The following SLC35E4 variants were observed in gnomAD, a reference collection of about 807,000 sequenced individuals.
SLC35E4 encodes the protein solute carrier family 35 member E4.
A neutral mutation model predicts 19.3 loss-of-function variants in SLC35E4; 15 were observed. The ratio of observed to expected loss-of-function variants is 0.78; its 90% CI spans 0.52 to 1.20. The LOEUF (loss-of-function observed/expected upper bound fraction) is 1.20. Ranked by LOEUF, SLC35E4 falls within the 50% of genes most tolerant of loss-of-function variation. The pLI is 0.00. For missense variants in SLC35E4, 406 were observed against 472.3 expected (o/e 0.86, Z 1.30); for synonymous variants, 219 against 219.9 (o/e 1.00, Z 0.04).
rs1337663268 is a variant in SLC35E4, at chr22:30,647,788, A to T, written c.*757A>T. On this transcript the variant is annotated 3_prime_UTR_variant, in exon 2 of 2. Transcript: ENST00000343605. ...GGCTTCTATGCTGCTGGGCTCCCCT[A>T]GGGAGTTGGGGTAGTCTGTGCCAAC... 1 of 152,080 alleles carries T rather than the reference A, an allele frequency of 6.6e-6. No individual in the cohort carries two copies. The highest frequency in any genetic ancestry group is 1.5e-5 in the Non-Finnish European group (1 of 68,008). The allele number at this position is 152,080 out of a possible 1,614,324, so 9.4% of individuals were successfully genotyped here.
downstream of SLC35E4, among the ~76,000 whole-genome samples, chr22:30,648,925 A>G (rs2088172717): frequency 6.6e-6 from 1 of 152,112 alleles, no homozygotes; most frequent in Admixed American, 6.5e-5. Context: ...CAGGGCTCCC[A>G]TGTAGGGAAC....
chr22:30,663,262 T>TG (rs1253650364), exon 3 of SLC35E4: 19 of 676,420 alleles, frequency 2.8e-5, no homozygotes, highest in Non-Finnish European at 2.6e-5. Context: ...TAGTTTAATC[T>TG]TAAAAAAAAT....
intron 1 of SLC35E4, among the ~76,000 whole-genome samples, chr22:30,641,533 A>AT (rs1442831507): frequency 6.6e-6 from 1 of 151,808 alleles, no homozygotes; most frequent in East Asian, 1.9e-4. Context: ...GTAAATTATA[A>AT]TTTTTAAATT....
At chr22:30,661,171 C>T (rs1400268558) in intron 2 of SLC35E4, among the ~76,000 whole-genome samples, 1 of 151,758 alleles carries the variant, frequency 6.6e-6, no homozygotes, top group Admixed American at 6.6e-5. Flanking sequence ...TAATAATGAG[C>T]AATTGGAAAA....
chr22:30,660,549 A>G (rs1435300739), intron 2 of SLC35E4, among the ~76,000 whole-genome samples: 4 of 152,198 alleles, frequency 2.6e-5, no homozygotes, highest in African/African-American at 4.8e-5. Context: ...CATGTTATCA[A>G]TGACACAGAA....
downstream of SLC35E4, chr22:30,665,518 G>A (rs1043518935): frequency 2.1e-6 from 1 of 470,910 alleles, no homozygotes; most frequent in Non-Finnish European, 4.4e-6. Flanking sequence ...ATTCAGCAGA[G>A]GACTGCAGAA....
At chr22:30,639,727 G>A (rs550786709) in intron 1 of SLC35E4, among the ~76,000 whole-genome samples, 19 of 152,280 alleles carry the variant, frequency 1.2e-4, no homozygotes, top group Admixed American at 6.5e-5. Flanking sequence ...CCGGCTCACC[G>A]GCAGTCAGAG....
At chr22:30,642,156 C>T (rs577105828) in intron 1 of SLC35E4, among the ~76,000 whole-genome samples, 71 of 151,964 alleles carry the variant, frequency 4.7e-4, no homozygotes, top group Non-Finnish European at 8.5e-4. Context: ...GGACTATAGG[C>T]GTGCCTCCAT....
chr22:30,651,701 G>C (rs1178997278), downstream of SLC35E4, among the ~76,000 whole-genome samples: 1 of 151,924 alleles, frequency 6.6e-6, no homozygotes, highest in Non-Finnish European at 1.5e-5. Context: ...TGTGGTCTAG[G>C]TAACTCCATG....
At chr22:30,642,360 C>T (rs1474948899) in intron 1 of SLC35E4, among the ~76,000 whole-genome samples, 2 of 152,094 alleles carry the variant, frequency 1.3e-5, no homozygotes, top group Non-Finnish European at 2.9e-5. Flanking sequence ...AGGAGAGGCA[C>T]CAGGGCCAGA....
intron 1 of SLC35E4, among the ~76,000 whole-genome samples, chr22:30,639,040 A>T (rs1177678269): frequency 6.6e-6 from 1 of 152,198 alleles, no homozygotes; most frequent in Non-Finnish European, 1.5e-5. Context: ...GCTGAGGTGT[A>T]TTGGGGGAAA....
chr22:30,659,714 C>G (rs755209393), intron 2 of SLC35E4, among the ~76,000 whole-genome samples: 1 of 152,170 alleles, frequency 6.6e-6, no homozygotes, highest in Non-Finnish European at 1.5e-5. Flanking sequence ...TGTTTCTGAC[C>G]TATTCCCTGG....
chr22:30,658,970 G>A (rs892286441), intron 2 of SLC35E4, among the ~76,000 whole-genome samples: 4 of 151,864 alleles, frequency 2.6e-5, no homozygotes, highest in Middle Eastern at 6.8e-3. Context: ...TGGCGAAACC[G>A]CATCTCTACT....
At chr22:30,638,481 G>A (rs1252502238) in intron 1 of SLC35E4, among the ~76,000 whole-genome samples, 6 of 117,496 alleles carry the variant, frequency 5.1e-5, no homozygotes, top group East Asian at 2.6e-4. Flanking sequence ...CAGCCAAGGC[G>A]ACAGAGTGAG....
At chr22:30,660,356 A>C (rs766526) in intron 2 of SLC35E4, among the ~76,000 whole-genome samples, 1 of 151,814 alleles carries the variant, frequency 6.6e-6, no homozygotes, top group Non-Finnish European at 1.5e-5. Context: ...CAGGCTGGAG[A>C]GCAGAGGCAC....
At chr22:30,644,857 C>T (rs2088102208) in intron 1 of SLC35E4, among the ~76,000 whole-genome samples, 1 of 152,092 alleles carries the variant, frequency 6.6e-6, no homozygotes, top group Admixed American at 6.6e-5. Context: ...CATGTGTACA[C>T]GTAGGTACAC....
At chr22:30,658,111 ATTTT>A (rs997985700) in intron 2 of SLC35E4, among the ~76,000 whole-genome samples, 5 of 146,272 alleles carry the variant, frequency 3.4e-5, no homozygotes, top group African/African-American at 1.0e-4. Context: ...TTCAAAATAA[ATTTT>A]TTTTTTTAGT....
At chr22:30,646,555 G>A in intron 1 of SLC35E4, 43 bp from the exon 2 acceptor site, 1 of 1,564,636 alleles carries the variant, frequency 6.4e-7, no homozygotes, top group Non-Finnish European at 8.7e-7. Flanking sequence ...GGCTGGAGGG[G>A]GTTGTGTCCT....
chr22:30,643,446 G>A (rs534919979), intron 1 of SLC35E4, among the ~76,000 whole-genome samples: 3 of 152,308 alleles, frequency 2.0e-5, no homozygotes, highest in South Asian at 4.1e-4. Flanking sequence ...GTAACCATGA[G>A]AGCAAACATT....
Sources: allele counts gnomAD v4.1 joint callset (sites outside exome capture counted in the v4.1 genomes callset), GRCh38; gene constraint gnomAD v4.1.1; transcripts MANE v1.5; gene names NCBI Gene and HGNC (gene_info 2026-07-23, HGNC 2026-07-21).